MAEA: variants seen among roughly 807,000 people sequenced by gnomAD.
The protein encoded by MAEA is E3 ubiquitin-protein transferase MAEA.
Under a neutral mutation model 46.2 loss-of-function variants are expected in MAEA, and 22 were observed. The observed-to-expected ratio is 0.48, with a 90% CI of 0.34 to 0.68. The LOEUF (loss-of-function observed/expected upper bound fraction) is 0.68, where lower values mean the gene tolerates loss of function less well. Ranked by LOEUF, MAEA falls within the 30% of genes least tolerant of loss-of-function variation. MAEA has a pLI of 0.01. For missense variants in MAEA, 393 were observed against 558.1 expected (o/e 0.70, Z 2.98); for synonymous variants, 246 against 222.6 (o/e 1.11, Z -0.94).
At chr4:1,315,071 A>G (rs1398562873) in intron 2 of MAEA, among the ~76,000 whole-genome samples, 2 of 152,244 alleles carry the variant, frequency 1.3e-5, no homozygotes, top group Admixed American at 6.5e-5. Context: ...AAGTCACCTT[A>G]TAATGATAAA....
intron 1 of MAEA, among the ~76,000 whole-genome samples, chr4:1,297,601 G>A (rs114284645): frequency 1.6e-3 from 242 of 152,314 alleles, no homozygotes; most frequent in Non-Finnish European, 2.8e-3. Flanking sequence ...ACTCGTCACA[G>A]TCTGACGCGG....
chr4:1,313,630 G>C (rs1736779888), intron 2 of MAEA, among the ~76,000 whole-genome samples: 1 of 152,176 alleles, frequency 6.6e-6, no homozygotes, highest in Non-Finnish European at 1.5e-5. Context: ...AGGAGGCTGA[G>C]GCAGAAGGAT....
At chr4:1,332,651 C>T in intron 5 of MAEA, 106 bp from the exon 6 acceptor site, 1 of 780,548 alleles carries the variant, frequency 1.3e-6, no homozygotes, top group Non-Finnish European at 2.1e-6. Context: ...CTACAGTGAG[C>T]TGTGACTGTG....
intron 2 of MAEA, among the ~76,000 whole-genome samples, chr4:1,315,008 C>G (rs966103399): frequency 1.3e-5 from 2 of 152,172 alleles, no homozygotes; most frequent in African/African-American, 4.8e-5. Flanking sequence ...TAGCCCGATT[C>G]ATTTTTAACA....
At chr4:1,297,510 G>T (rs1263752014) in intron 1 of MAEA, among the ~76,000 whole-genome samples, 1 of 146,144 alleles carries the variant, frequency 6.8e-6, no homozygotes, top group Admixed American at 6.7e-5. Context: ...GCTTGAGTGT[G>T]GGCTCATTGC....
At chr4:1,330,063 G>T in intron 5 of MAEA, 1 of 985,544 alleles carries the variant, frequency 1.0e-6, no homozygotes, top group Non-Finnish European at 1.2e-6. Flanking sequence ...TCGTTGGCTG[G>T]GGTGGCTGCA....
intron 1 of MAEA, among the ~76,000 whole-genome samples, chr4:1,307,657 G>A (rs1354177922): frequency 1.3e-5 from 2 of 152,216 alleles, no homozygotes; most frequent in Non-Finnish European, 2.9e-5. Context: ...CAGAGACCCT[G>A]GGAAGCTGGT....
chr4:1,298,033 C>T (rs1160027496), intron 1 of MAEA: 7 of 456,206 alleles, frequency 1.5e-5, no homozygotes, highest in Non-Finnish European at 1.8e-5. Context: ...CTGAGGAACC[C>T]GGTTGCTGCC....
chr4:1,292,901 T>TTC (rs1734242781), intron 1 of MAEA, among the ~76,000 whole-genome samples: 1 of 149,886 alleles, frequency 6.7e-6, no homozygotes, highest in Non-Finnish European at 1.5e-5. Context: ...TTTTTTTTTT[T>TTC]TTTCTTTTTT....
intron 1 of MAEA, chr4:1,309,603 G>C: frequency 6.6e-7 from 1 of 1,512,138 alleles, no homozygotes; most frequent in Non-Finnish European, 8.8e-7. Context: ...GAGGTGGGAG[G>C]AGCGTGCGCA....
rs558996722 is a variant in MAEA, at chr4:1,339,263, G to T, written c.*94G>T. 19 of 868,342 alleles carry T rather than the reference G, an allele frequency of 2.2e-5. No homozygotes were observed. The African/African-American group carries it at 2.5e-4, about 11-fold the overall frequency. 53.8% of individuals were successfully genotyped at this position (868,342 alleles called of 1,614,324 possible). A position where few individuals can be genotyped will look rare whatever the true frequency, so the allele number is the denominator to read the frequency against. ...GTCCCACGCTCCAGCCTGCCGCGGC[G>T]TTTCTGTTTCTTGCGACCAAAGATC... On this transcript the variant is annotated 3_prime_UTR_variant, in exon 9 of 9. Transcript: ENST00000303400.
intron 1 of MAEA, among the ~76,000 whole-genome samples, chr4:1,300,482 T>G (rs1167286466): frequency 6.6e-6 from 1 of 152,214 alleles, no homozygotes; most frequent in Non-Finnish European, 1.5e-5. Flanking sequence ...ATGTTGTGAT[T>G]ATGAACTGAC....
intron 5 of MAEA, chr4:1,328,565 G>A: frequency 8.7e-7 from 1 of 1,152,140 alleles, no homozygotes; most frequent in Admixed American, 3.3e-5. Context: ...CCCAGCAGGT[G>A]TGTTTGCCAG....
chr4:1,338,757 G>A (rs1312633652), intron 8 of MAEA, 140 bp downstream of exon 8: 3 of 883,522 alleles, frequency 3.4e-6, no homozygotes, highest in East Asian at 2.7e-5. Context: ...AGGGCGGGGG[G>A]CCAGGCTGGC....
chr4:1,328,193 C>T (rs896659822), intron 5 of MAEA, among the ~76,000 whole-genome samples: 1 of 152,212 alleles, frequency 6.6e-6, no homozygotes, highest in Non-Finnish European at 1.5e-5. Context: ...TGTCTCCGAC[C>T]CAAGGGCGGC....
intron 1 of MAEA, among the ~76,000 whole-genome samples, chr4:1,295,674 C>G: frequency 9.0e-6 from 1 of 111,670 alleles, no homozygotes; most frequent in South Asian, 3.6e-4. Flanking sequence ...TGTACCCCCT[C>G]ACCCGCTCCT....
intron 1 of MAEA, among the ~76,000 whole-genome samples, chr4:1,306,166 C>A (rs1735807445): frequency 6.6e-6 from 1 of 152,150 alleles, no homozygotes; most frequent in Non-Finnish European, 1.5e-5. Context: ...CAGAATAATA[C>A]TTGGCCAAAT....
intron 3 of MAEA, among the ~76,000 whole-genome samples, chr4:1,321,301 A>G (rs531148988): frequency 6.6e-6 from 1 of 152,032 alleles, no homozygotes; most frequent in South Asian, 2.1e-4. Flanking sequence ...GGGGCTTTAA[A>G]AAAGATATCA....
rs116242258 is a variant in MAEA at position 1,318,570 on chromosome 4, G to C, written c.456+2970G>C. On this transcript the variant is annotated intron_variant, in intron 3 of 8. Coordinates refer to ENST00000303400, the MANE Select transcript of MAEA (RefSeq NM_001017405.3). ...GGGCGTGTGGAGCCCATGAGGACTG[G>C]GTTGCGGGGGAGGGGTTCTTTCTGC... is the stretch of plus-strand genomic sequence containing the variant. 2.6e-5 allele frequency among the ~76,000 whole-genome samples: 4 copies of C among 152,288 alleles called. No individual in the cohort carries two copies. The South Asian group carries it at 8.3e-4, about 32-fold the overall frequency.
Sources: allele counts gnomAD v4.1 joint callset (sites outside exome capture counted in the v4.1 genomes callset), GRCh38; gene constraint gnomAD v4.1.1; transcripts MANE v1.5; gene names NCBI Gene and HGNC (gene_info 2026-07-23, HGNC 2026-07-21).